Variants in SLC25A48 observed in about 807,000 individuals in gnomAD.
SLC25A48 encodes the protein solute carrier family 25 member 48, also known as CTC-321K16.1.
Under a neutral mutation model 32.2 loss-of-function variants are expected in SLC25A48, and 29 were observed. The ratio of observed to expected loss-of-function variants is 0.90; its 90% CI spans 0.67 to 1.23. The LOEUF is 1.23. Ranked by LOEUF, SLC25A48 falls within the 50% of genes most tolerant of loss-of-function variation. The probability of loss-of-function intolerance (pLI) is 0.00; values close to 1 mark genes in which losing one functional copy is unlikely to be tolerated. For missense variants in SLC25A48, 399 were observed against 422.7 expected (o/e 0.94, Z 0.49); for synonymous variants, 164 against 172.3 (o/e 0.95, Z 0.38).
chr5:135,598,635 G>A (rs1229061780), intron 1 of SLC25A48, among the ~76,000 whole-genome samples: 2 of 152,088 alleles, frequency 1.3e-5, no homozygotes, highest in African/African-American at 4.8e-5. Flanking sequence ...TGAACAGGTC[G>A]GCTAAGTATA....
intron 3 of SLC25A48, among the ~76,000 whole-genome samples, chr5:135,656,270 C>T (rs1424471791): frequency 6.6e-6 from 1 of 150,832 alleles, no homozygotes; most frequent in East Asian, 1.9e-4. Context: ...TTGGCCAGCA[C>T]ACGGGAAGGT....
At chr5:135,841,391 T>C (rs1301716978) in intron 1 of SLC25A48, among the ~76,000 whole-genome samples, 1 of 152,234 alleles carries the variant, frequency 6.6e-6, no homozygotes, top group Non-Finnish European at 1.5e-5. Flanking sequence ...TTTTTATGAA[T>C]GTTATTATTT....
intron 4 of SLC25A48, among the ~76,000 whole-genome samples, chr5:135,813,822 G>A (rs1051501497): frequency 2.6e-5 from 4 of 152,128 alleles, no homozygotes; most frequent in African/African-American, 9.7e-5. Context: ...GCAAGAGGAG[G>A]GTGCTGCGCT....
At chr5:135,850,553 A>C in intron 3 of SLC25A48, 57 bp downstream of exon 3, 2 of 1,533,462 alleles carry the variant, frequency 1.3e-6, no homozygotes, top group Non-Finnish European at 1.8e-6. Flanking sequence ...CAGGCTGGGG[A>C]CCAGGGCCAC....
intron 3 of SLC25A48, among the ~76,000 whole-genome samples, chr5:135,788,674 A>G (rs2126629951): frequency 6.9e-6 from 1 of 145,358 alleles, no homozygotes; most frequent in South Asian, 2.3e-4. Context: ...CCTCCACCAT[A>G]TGGTCTCTAA....
At chr5:135,796,838 T>G (rs1757193711) in intron 3 of SLC25A48, among the ~76,000 whole-genome samples, 1 of 151,728 alleles carries the variant, frequency 6.6e-6, no homozygotes, top group African/African-American at 2.4e-5. Context: ...GTGCCACCAC[T>G]GTGATACTGT....
intron 3 of SLC25A48, among the ~76,000 whole-genome samples, chr5:135,725,991 C>T (rs1755079825): frequency 6.6e-6 from 1 of 152,204 alleles, no homozygotes; most frequent in Admixed American, 6.5e-5. Flanking sequence ...ACAAGCTGCG[C>T]CTACTTATTG....
chr5:135,866,407 G>C (rs573676690), intron 4 of SLC25A48, among the ~76,000 whole-genome samples: 1 of 152,362 alleles, frequency 6.6e-6, no homozygotes, highest in East Asian at 1.9e-4. Flanking sequence ...ACATCTTTGT[G>C]TTTGTGTCTG....
At chr5:135,786,197 G>A (rs1212427972) in intron 3 of SLC25A48, among the ~76,000 whole-genome samples, 11 of 151,992 alleles carry the variant, frequency 7.2e-5, no homozygotes, top group Admixed American at 6.5e-4. Context: ...CCATGGGGCA[G>A]GGGTGTAAAA....
intron 3 of SLC25A48, among the ~76,000 whole-genome samples, chr5:135,723,917 G>C (rs1755029493): frequency 6.6e-6 from 1 of 152,138 alleles, no homozygotes; most frequent in African/African-American, 2.4e-5. Context: ...ATGCTATTGA[G>C]CTCTAGAAAT....
chr5:135,769,293 G>T (rs1190012299), intron 3 of SLC25A48, among the ~76,000 whole-genome samples: 1 of 151,058 alleles, frequency 6.6e-6, no homozygotes, highest in Non-Finnish European at 1.5e-5. Context: ...ACAGCATCAC[G>T]GGTGGTGTAC....
rs1463346906 is a variant in SLC25A48 at position 135,888,255 on chromosome 5, G to C, written c.*231G>C. On this transcript the variant is annotated 3_prime_UTR_variant, in exon 8 of 8. Transcript: ENST00000681962. The stretch of plus-strand genomic sequence containing the variant: ...CTGATCCCCAATGCCCACTCTGCTA[G>C]GCTGGCATCAAAGAGCTTTCCAAGA... 2 of 549,768 alleles carry C rather than the reference G, an allele frequency of 3.6e-6. No homozygotes were observed. The highest frequency in any genetic ancestry group is 3.8e-5 in the African/African-American group (2 of 53,198). The allele number at this position is 549,768 out of a possible 1,614,324, so 34.1% of individuals were successfully genotyped here. A position where few individuals can be genotyped will look rare whatever the true frequency, so the allele number is the denominator to read the frequency against.
chr5:135,857,495 A>G (rs1382113959), intron 4 of SLC25A48, among the ~76,000 whole-genome samples: 1 of 152,246 alleles, frequency 6.6e-6, no homozygotes, highest in East Asian at 1.9e-4. Context: ...CCATTACAGC[A>G]TGAGGCAGAT....
intron 3 of SLC25A48, among the ~76,000 whole-genome samples, chr5:135,705,459 G>T (rs1465714598): frequency 6.6e-6 from 1 of 152,212 alleles, no homozygotes; most frequent in African/African-American, 2.4e-5. Flanking sequence ...AATAATATAT[G>T]CAAGGTGATT....
chr5:135,691,432 A>G (rs1236464481), intron 3 of SLC25A48, among the ~76,000 whole-genome samples: 1 of 152,128 alleles, frequency 6.6e-6, no homozygotes, highest in Non-Finnish European at 1.5e-5. Flanking sequence ...GGAAAGAGTC[A>G]GGGTCTCCAG....
intron 3 of SLC25A48, among the ~76,000 whole-genome samples, chr5:135,793,129 C>G (rs1324765990): frequency 6.7e-6 from 1 of 148,610 alleles, no homozygotes; most frequent in African/African-American, 2.5e-5. Context: ...CATGTGCGTA[C>G]ACTCTGGGAT....
intron 4 of SLC25A48, among the ~76,000 whole-genome samples, chr5:135,823,172 G>T (rs1320618838): frequency 1.3e-5 from 2 of 152,156 alleles, no homozygotes; most frequent in African/African-American, 4.8e-5. Context: ...GCCAGGGTGG[G>T]ATTCACGAAG....
chr5:135,851,470 C>T (rs542011047), intron 3 of SLC25A48, among the ~76,000 whole-genome samples: 9 of 152,292 alleles, frequency 5.9e-5, no homozygotes, highest in South Asian at 2.1e-4. Flanking sequence ...GTGGGGACTG[C>T]GGGCGGTTTC....
chr5:135,876,390 C>T (rs955640138), intron 6 of SLC25A48: 15 of 152,180 alleles, frequency 9.9e-5, no homozygotes, highest in East Asian at 5.8e-4. Flanking sequence ...TGAGGTCAGA[C>T]GATTGGTTTC....
Sources: gnomAD v4.1 joint callset for allele counts (sites outside exome capture counted in the v4.1 genomes callset) on GRCh38, gnomAD v4.1.1 for gene constraint, MANE v1.5 for transcripts, NCBI Gene and HGNC (gene_info 2026-07-23, HGNC 2026-07-21) for gene names.